MED13: variants seen among roughly 807,000 people sequenced by gnomAD.
The protein encoded by MED13 is mediator complex subunit 13, also known as mediator of RNA polymerase II transcription subunit 13.
Under a neutral mutation model 225.2 loss-of-function variants are expected in MED13, and 23 were observed. The ratio of observed to expected loss-of-function variants is 0.10; its 90% CI spans 0.07 to 0.14. The LOEUF (loss-of-function observed/expected upper bound fraction) is 0.14. Ranked by LOEUF, MED13 falls within the 10% of genes least tolerant of loss-of-function variation. MED13 has a pLI of 1.00. For synonymous variants in MED13, 942 were observed against 889.2 expected (o/e 1.06, Z -1.06); for missense variants, 2,197 against 2,594.5 (o/e 0.85, Z 3.33).
At chr17:61,979,401 C>T (rs1195878084) in intron 16 of MED13, among the ~76,000 whole-genome samples, 1 of 152,046 alleles carries the variant, frequency 6.6e-6, no homozygotes, top group Non-Finnish European at 1.5e-5. Context: ...CCTCCACCTC[C>T]TAGGTTCAAG....
At chr17:61,996,243 C>T (rs2080345826) in intron 9 of MED13, among the ~76,000 whole-genome samples, 1 of 152,168 alleles carries the variant, frequency 6.6e-6, no homozygotes, top group African/African-American at 2.4e-5. Context: ...GACCCGACTG[C>T]TCGGTGAGTG....
At chr17:62,018,714 TC>T (rs2080607260) in intron 8 of MED13, among the ~76,000 whole-genome samples, 1 of 117,472 alleles carries the variant, frequency 8.5e-6, no homozygotes. Flanking sequence ...AGACCCTATC[TC>T]AAAAAAAAAA....
In MED13 at chr17:62,031,487, C is replaced by A; in HGVS notation, c.966G>T (p.Ser322=). ...GAGACGTAGGTGGTGTAAGCGTAAC[C>A]GAAGACATAGCAGGATCTCTTGTGG... is the stretch of plus-strand genomic sequence containing the variant. ...PASTRDPAMS[S]VTLTPPTSPE... The change falls in exon 6 of 30, where the codon TCG becomes TCT. Residue 322 remains serine (S), a synonymous_variant. Coordinates refer to ENST00000397786, the MANE Select transcript of MED13 (RefSeq NM_005121.3). 2 of 1,613,302 alleles carry A rather than the reference C, an allele frequency of 1.2e-6. No homozygotes were observed. Among genetic ancestry groups the A allele is most frequent in the East Asian group, 2.2e-5 (1 of 44,832 alleles).
intron 2 of MED13, among the ~76,000 whole-genome samples, chr17:62,061,262 T>C (rs2081036875): frequency 6.6e-6 from 1 of 152,074 alleles, no homozygotes; most frequent in African/African-American, 2.4e-5. Context: ...CTCACACTTG[T>C]AATCCCAGCA....
At chr17:61,983,658 A>C (rs1219558116) in intron 15 of MED13, among the ~76,000 whole-genome samples, 1 of 152,118 alleles carries the variant, frequency 6.6e-6, no homozygotes, top group Non-Finnish European at 1.5e-5. Flanking sequence ...AGCCCAAAAG[A>C]AAAGGTGCTT....
At chr17:62,063,364 T>A in intron 1 of MED13, 63 bp from the exon 2 acceptor site, 1 of 1,029,306 alleles carries the variant, frequency 9.7e-7, no homozygotes, top group East Asian at 2.4e-5. Context: ...AAGTACTCAA[T>A]ATGATGTCTC....
At position 61,943,531 on chromosome 17, in the gene MED13, C is replaced by T. The variant is rs1357559127; in HGVS notation, c.*2937G>A. 6.6e-6 allele frequency: 1 copy of T among 152,522 alleles called. No individual in the cohort carries two copies. The allele number at this position is 152,522 out of a possible 1,614,324, so 9.4% of individuals were successfully genotyped here. A position where few individuals can be genotyped will look rare whatever the true frequency, so the allele number is the denominator to read the frequency against. On this transcript the variant is annotated 3_prime_UTR_variant, in exon 30 of 30. Coordinates refer to ENST00000397786, the MANE Select transcript of MED13 (RefSeq NM_005121.3). Reference sequence around the variant, plus strand: ...TACTGACAATTGAGTACGAATACAGCTGAGGATAGTTGACTAAGTAGTAAG... The same window carrying T: ...TACTGACAATTGAGTACGAATACAGTTGAGGATAGTTGACTAAGTAGTAAG...
rs116760266 is a variant in MED13 at position 62,012,724 on chromosome 17, C to A, written c.1284-1491G>T. Among the ~76,000 whole-genome samples the A allele has an allele frequency of 6.2e-3, 936 of 152,058 alleles. 11 individuals are homozygous for A. Among genetic ancestry groups the A allele is most frequent in the African/African-American group, 0.021 (866 of 41,486 alleles). ...ATTTTACTTTTTTGCTGAATCAGAG[C>A]TATCCAGAAAGAGTATTAAAAAGCA... is the stretch of plus-strand genomic sequence containing the variant. On this transcript the variant is annotated intron_variant, in intron 8 of 29. Coordinates refer to ENST00000397786, the MANE Select transcript of MED13 (RefSeq NM_005121.3).
intron 9 of MED13, among the ~76,000 whole-genome samples, chr17:61,999,911 T>A (rs1479322675): frequency 6.6e-6 from 1 of 151,574 alleles, no homozygotes; most frequent in Non-Finnish European, 1.5e-5. Flanking sequence ...TAAAAAAAAA[T>A]GTTTTTAATT....
At chr17:61,974,430 A>G (rs2080135911) in intron 16 of MED13, among the ~76,000 whole-genome samples, 1 of 152,144 alleles carries the variant, frequency 6.6e-6, no homozygotes, top group African/African-American at 2.4e-5. Context: ...AAAGATGATC[A>G]CAAAAAAATA....
chr17:61,955,925 G>A (rs2143312394), intron 24 of MED13, 87 bp from the exon 25 acceptor site: 1 of 1,362,542 alleles, frequency 7.3e-7, no homozygotes, highest in Non-Finnish European at 9.4e-7. Context: ...CCAAGTTAAA[G>A]TTAAAATATA....
At position 61,983,812 on chromosome 17, in the gene MED13, C is replaced by T. The variant is rs561644247; in HGVS notation, c.2888+359G>A. On this transcript the variant is annotated intron_variant, in intron 15 of 29. Transcript: ENST00000397786. ...GGTGCGATCTCGGCTCCCTGCAATG[C>T]CTGACTCCCAGGTTCAAGCCATTCT... is the stretch of plus-strand genomic sequence containing the variant. Among the ~76,000 whole-genome samples, 233 of 151,106 alleles carry T rather than the reference C, an allele frequency of 1.5e-3. 2 individuals are homozygous for T. Among genetic ancestry groups the T allele is most frequent in the African/African-American group, 5.3e-3 (220 of 41,138 alleles).
At chr17:61,970,977 A>G (rs2080103244) in intron 17 of MED13, among the ~76,000 whole-genome samples, 1 of 151,948 alleles carries the variant, frequency 6.6e-6, no homozygotes, top group Admixed American at 6.6e-5. Context: ...GTGAGCCATG[A>G]TTGTGCCACT....
intron 16 of MED13, among the ~76,000 whole-genome samples, chr17:61,976,685 A>C (rs566267726): frequency 3.3e-5 from 5 of 152,328 alleles, no homozygotes; most frequent in African/African-American, 1.2e-4. Context: ...TTGTAATCCC[A>C]GCACTTTGGG....
At position 61,968,264 on chromosome 17, in the gene MED13, T is replaced by C; in HGVS notation, c.3968-6A>G. 1 of 1,587,468 alleles carries C rather than the reference T, an allele frequency of 6.3e-7. No homozygotes were observed. The highest frequency in any genetic ancestry group is 1.4e-5 in the African/African-American group (1 of 74,072). On this transcript the variant is annotated splice_polypyrimidine_tract_variant and splice_region_variant and intron_variant, in intron 17 of 29. Transcript: ENST00000397786. ...TTCTGGGGATTCATCAGTTCCTAAA[T>C]AAGAAAGATGTATTTTAAGAAAACA...
At chr17:61,973,752 C>A (rs373760716) in intron 16 of MED13, among the ~76,000 whole-genome samples, 1 of 152,100 alleles carries the variant, frequency 6.6e-6, no homozygotes, top group African/African-American at 2.4e-5. Flanking sequence ...GAGGCCAAGG[C>A]GGGTGGACTG....
chr17:62,025,760 T>C (rs547017003), intron 8 of MED13, among the ~76,000 whole-genome samples: 1 of 152,356 alleles, frequency 6.6e-6, no homozygotes, highest in East Asian at 1.9e-4. Flanking sequence ...CCCATTCTTA[T>C]ACAAATTATG....
chr17:61,999,850 A>T (rs1420875362), intron 9 of MED13, among the ~76,000 whole-genome samples: 1 of 152,138 alleles, frequency 6.6e-6, no homozygotes, highest in African/African-American at 2.4e-5. Flanking sequence ...GGAGACCAGG[A>T]GTTCAAGACC....
intron 3 of MED13, among the ~76,000 whole-genome samples, chr17:62,047,263 C>T (rs1035287217): frequency 2.6e-5 from 4 of 151,924 alleles, no homozygotes; most frequent in South Asian, 2.1e-4. Flanking sequence ...CCCAGCTACT[C>T]GGGAGGCTAA....
Sources: allele counts gnomAD v4.1 joint callset (sites outside exome capture counted in the v4.1 genomes callset), GRCh38; gene constraint gnomAD v4.1.1; transcripts MANE v1.5; gene names NCBI Gene and HGNC (gene_info 2026-07-23, HGNC 2026-07-21).